PCDHA13: variants seen among roughly 807,000 people sequenced by gnomAD.
PCDHA13 encodes protocadherin alpha 13.
Under a neutral mutation model 64.8 loss-of-function variants are expected in PCDHA13, and 54 were observed. That is an observed-to-expected ratio of 0.83 (90% CI 0.67 to 1.04). The LOEUF is 1.04. Among genes scored for constraint, PCDHA13 ranks in the 50% least tolerant of loss-of-function variants. The pLI is 0.00. For missense variants in PCDHA13, 1,248 were observed against 1,254.3 expected (o/e 0.99, Z 0.08); for synonymous variants, 587 against 564.4 (o/e 1.04, Z -0.57).
intron 1 of PCDHA13, among the ~76,000 whole-genome samples, chr5:140,933,231 A>G (rs1488760874): frequency 4.6e-5 from 7 of 152,008 alleles, no homozygotes; most frequent in Non-Finnish European, 1.0e-4. Context: ...GCATTTATGA[A>G]AAAGAAAGGA....
At chr5:140,968,106 C>T (rs1554230344) in intron 1 of PCDHA13, 8 of 1,614,016 alleles carry the variant, frequency 5.0e-6, no homozygotes, top group East Asian at 2.2e-5. Flanking sequence ...GGGGGAATAC[C>T]GCAGCTCACA....
intron 1 of PCDHA13, among the ~76,000 whole-genome samples, chr5:140,947,310 A>G (rs1554218156): frequency 6.6e-6 from 1 of 151,620 alleles, no homozygotes; most frequent in Admixed American, 6.6e-5. Flanking sequence ...ATCTTTGTAA[A>G]AAGTCGGTTG....
At chr5:140,969,359 C>A (rs1554231722) in intron 1 of PCDHA13, 2 of 1,611,118 alleles carry the variant, frequency 1.2e-6, no homozygotes, top group Admixed American at 3.4e-5. Flanking sequence ...GGGTCTTCTA[C>A]AAACTCATGC....
In PCDHA13 at chr5:140,883,658, G is replaced by T. The variant is rs573544891; in HGVS notation, c.1390G>T (p.Val464Leu). ...AFAQPEYTVF[V>L]KENNPPGCHI... ...CGCGCAGCCCGAGTACACGGTGTTC[G>T]TGAAGGAAAACAATCCGCCGGGCTG... Residue 464 changes from valine (V) to leucine (L), a missense_variant, in exon 1 of 4, where the codon GTG (valine) becomes TTG (leucine). By Grantham distance (32) the Val-to-Leu change is conservative (BLOSUM62 1). Transcript: ENST00000289272. The T allele has an allele frequency of 6.2e-7, 1 of 1,613,994 alleles. No homozygotes were observed. Among genetic ancestry groups the T allele is most frequent in the Non-Finnish European group, 8.5e-7 (1 of 1,179,924 alleles).
chr5:140,954,120 C>G (rs246026), intron 1 of PCDHA13, among the ~76,000 whole-genome samples: 85,718 of 152,076 alleles, frequency 0.56, 24,786 homozygotes, highest in African/African-American at 0.69. Flanking sequence ...GATCTTGTTC[C>G]TTTTTATGGA....
At chr5:140,907,170 TG>T (rs1318866379) in intron 1 of PCDHA13, among the ~76,000 whole-genome samples, 1 of 152,188 alleles carries the variant, frequency 6.6e-6, no homozygotes. Flanking sequence ...TATTGGATGC[TG>T]ATTCAGAGCA....
At chr5:140,962,350 C>A (rs78940637) in intron 1 of PCDHA13, among the ~76,000 whole-genome samples, 3,557 of 152,264 alleles carry the variant, frequency 0.023, 46 homozygotes, top group Middle Eastern at 0.034. Context: ...TAAAACTCCC[C>A]CCAATACTGG....
At chr5:140,999,173 T>G (rs892201477) in intron 3 of PCDHA13, among the ~76,000 whole-genome samples, 20 of 152,158 alleles carry the variant, frequency 1.3e-4, no homozygotes, top group African/African-American at 4.3e-4. Context: ...GAAAAGAGCC[T>G]GATGGGGAGA....
intron 1 of PCDHA13, chr5:140,927,238 G>A (rs782670286): frequency 1.2e-6 from 2 of 1,614,122 alleles, no homozygotes; most frequent in Non-Finnish European, 1.7e-6. Flanking sequence ...TCACGTCCTG[G>A]ACACCAATGA....
chr5:140,940,253 A>G (rs1216858680), intron 1 of PCDHA13, among the ~76,000 whole-genome samples: 1 of 152,124 alleles, frequency 6.6e-6, no homozygotes, highest in Middle Eastern at 3.2e-3. Context: ...CCTCCTCAAT[A>G]TCTTCTGGGT....
At chr5:140,923,638 C>G (rs1375136191) in intron 1 of PCDHA13, among the ~76,000 whole-genome samples, 1 of 152,176 alleles carries the variant, frequency 6.6e-6, no homozygotes, top group African/African-American at 2.4e-5. Flanking sequence ...AGGCAAAAAT[C>G]TTTAGCCTCC....
At chr5:140,972,749 C>T (rs6899060) in intron 1 of PCDHA13, among the ~76,000 whole-genome samples, 3,772 of 151,356 alleles carry the variant, frequency 0.025, 151 homozygotes, top group African/African-American at 0.085. Flanking sequence ...CTGCAACCTC[C>T]GCCTCCCAAG....
intron 1 of PCDHA13, among the ~76,000 whole-genome samples, chr5:140,960,401 G>C (rs1219932748): frequency 2.0e-5 from 3 of 151,956 alleles, no homozygotes; most frequent in African/African-American, 7.3e-5. Flanking sequence ...TGCAAGGGGG[G>C]GTGCCCAAAA....
At chr5:141,005,315 G>A (rs1554259986) in intron 3 of PCDHA13, among the ~76,000 whole-genome samples, 1 of 152,186 alleles carries the variant, frequency 6.6e-6, no homozygotes, top group Non-Finnish European at 1.5e-5. Flanking sequence ...TCTTACAGTG[G>A]TAGAGAATAA....
chr5:140,910,127 C>T (rs1323587900), intron 1 of PCDHA13, among the ~76,000 whole-genome samples: 5 of 152,202 alleles, frequency 3.3e-5, no homozygotes, highest in African/African-American at 1.2e-4. Context: ...GGTCTGTAAA[C>T]TGGTTTAAGT....
chr5:140,882,996 A>G lies in PCDHA13; in HGVS notation c.728A>G (p.Tyr243Cys), dbSNP rs782381110. The change falls in exon 1 of 4, where the codon TAC becomes TGC. Residue 243 changes from tyrosine to cysteine, a missense_variant. By Grantham distance (194) the Tyr-to-Cys change is radical. Transcript: ENST00000289272. The stretch of plus-strand genomic sequence containing the variant: ...GTGAATGACAACGCCCCGGAATTTT[A>G]CCAATCCGTTTATAAAGTGACGGTG... ...LDVNDNAPEFYQSVYKVTVLE... is the reference protein window; with the variant it reads ...LDVNDNAPEFCQSVYKVTVLE... 2.9e-5 allele frequency: 46 copies of G among 1,614,024 alleles called. No individual in the cohort carries two copies. The Middle Eastern group carries it at 4.9e-4, about 17-fold the overall frequency.
chr5:140,908,861 T>C (rs1554193539), intron 1 of PCDHA13, among the ~76,000 whole-genome samples: 1 of 152,160 alleles, frequency 6.6e-6, no homozygotes, highest in Admixed American at 6.5e-5. Flanking sequence ...AAATGAGGAA[T>C]GTGTTGCCTC....
At chr5:140,967,380 A>C in intron 1 of PCDHA13, 3 of 1,608,302 alleles carry the variant, frequency 1.9e-6, no homozygotes, top group Non-Finnish European at 2.6e-6. Flanking sequence ...GAGAACAGTA[A>C]AGTGCTTGAG....
intron 3 of PCDHA13, among the ~76,000 whole-genome samples, chr5:141,003,441 AGAT>A (rs2098125025): frequency 6.6e-6 from 1 of 152,122 alleles, no homozygotes; most frequent in Non-Finnish European, 1.5e-5. Context: ...CCTCCCAAGT[AGAT>A]GAAATTACAG....
Sources: allele counts gnomAD v4.1 joint callset (sites outside exome capture counted in the v4.1 genomes callset), GRCh38; gene constraint gnomAD v4.1.1; transcripts MANE v1.5; gene names NCBI Gene and HGNC (gene_info 2026-07-23, HGNC 2026-07-21).